Variants in ANK2 observed in about 807,000 individuals in gnomAD.
The protein encoded by ANK2 is ankyrin-2.
ANK2 carries 83 observed loss-of-function variants against 360.5 expected under a neutral mutation model. That is an observed-to-expected ratio of 0.23 (90% CI 0.19 to 0.28). The LOEUF is 0.28. Among genes scored for constraint, ANK2 ranks in the 10% least tolerant of loss-of-function variants. ANK2 has a pLI of 1.00. For synonymous variants in ANK2, 1,740 were observed against 1,759.5 expected (o/e 0.99, Z 0.28); for missense variants, 4,201 against 4,795.7 (o/e 0.88, Z 3.66).
At position 112,918,705 on chromosome 4, in the gene ANK2, A is replaced by G. The variant is rs190289421; in HGVS notation, c.21+14191A>G. Among the ~76,000 whole-genome samples the G allele has an allele frequency of 1.7e-3, 266 of 152,366 alleles. 1 individual carries two copies. The highest frequency in any genetic ancestry group is 5.2e-3 in the Admixed American group (79 of 15,300). ...TGTTTTGAATGTTATTTGGCATATC[A>G]ACAGAATGAATAGTTTTGGATTGCA... On this transcript the variant is annotated intron_variant, in intron 2 of 30. Coordinates refer to the ANK2 transcript ENST00000503271.
rs115664297 is a variant in ANK2 at position 113,344,757 on chromosome 4, C to T, written c.4249-1143C>T. Among the ~76,000 whole-genome samples the T allele has an allele frequency of 2.3e-3, 348 of 152,190 alleles. 1 individual carries two copies. Among genetic ancestry groups the T allele is most frequent in the African/African-American group, 8.0e-3 (331 of 41,528 alleles). On this transcript the variant is annotated intron_variant, in intron 34 of 45. Transcript: ENST00000357077. ...TATGGTAAATGAAATAAGCTAGACA[C>T]AAAAGGACAAATATTGTATGGTTTC...
At chr4:113,032,688 T>G (rs2060674295) in intron 2 of ANK2, among the ~76,000 whole-genome samples, 1 of 152,062 alleles carries the variant, frequency 6.6e-6, no homozygotes, top group Non-Finnish European at 1.5e-5. Context: ...AAAATCACTT[T>G]AGAGAGAAGG....
intron 14 of ANK2, among the ~76,000 whole-genome samples, chr4:113,269,997 A>G (rs556139378): frequency 6.6e-6 from 1 of 152,206 alleles, no homozygotes; most frequent in South Asian, 2.1e-4. Flanking sequence ...TCATTGATCT[A>G]TTATATTCTT....
intron 13 of ANK2, among the ~76,000 whole-genome samples, chr4:113,263,967 T>A (rs2054488781): frequency 6.6e-6 from 1 of 152,160 alleles, no homozygotes; most frequent in Non-Finnish European, 1.5e-5. Context: ...ATGCTACACC[T>A]AAAGCCACCC....
At chr4:113,072,953 CTT>C (rs77468290) in intron 1 of ANK2, among the ~76,000 whole-genome samples, 2 of 59,408 alleles carry the variant, frequency 3.4e-5, no homozygotes, top group African/African-American at 7.6e-5. Context: ...AGGACAGTGT[CTT>C]TTTTTTTTTT....
intron 1 of ANK2, among the ~76,000 whole-genome samples, chr4:112,854,745 A>G (rs17672170): frequency 0.67 from 101,168 of 151,982 alleles, 33,936 homozygotes; most frequent in East Asian, 0.77. Context: ...TAATGAGTTC[A>G]TAGTGGATAT....
chr4:112,786,205 A>G, the ANK2 span, among the ~76,000 whole-genome samples: 1 of 151,428 alleles, frequency 6.6e-6, no homozygotes, highest in African/African-American at 2.4e-5. Flanking sequence ...TACAAAATCC[A>G]TCCTTCTACT....
chr4:113,139,000 A>G (rs1268209109), intron 1 of ANK2, among the ~76,000 whole-genome samples: 1 of 152,222 alleles, frequency 6.6e-6, no homozygotes, highest in Non-Finnish European at 1.5e-5. Flanking sequence ...GAATTTGCTT[A>G]ATAGTAAGAC....
chr4:113,278,328 C>A, intron 16 of ANK2, 132 bp from the exon 17 acceptor site: 1 of 774,510 alleles, frequency 1.3e-6, no homozygotes, highest in Non-Finnish European at 2.2e-6. Context: ...TGTTTATTTT[C>A]GTTCTTTTTT....
At chr4:113,038,964 A>G (rs1230408354) in intron 2 of ANK2, among the ~76,000 whole-genome samples, 1 of 152,084 alleles carries the variant, frequency 6.6e-6, no homozygotes, top group Non-Finnish European at 1.5e-5. Flanking sequence ...GCCCTTCCTT[A>G]ATCCCCGACT....
intron 1 of ANK2, among the ~76,000 whole-genome samples, chr4:113,054,022 G>A (rs1197638198): frequency 6.6e-6 from 1 of 152,168 alleles, no homozygotes; most frequent in Non-Finnish European, 1.5e-5. Flanking sequence ...AGAGGCTGTA[G>A]GAGATTTTGG....
the ANK2 span, among the ~76,000 whole-genome samples, chr4:112,764,728 A>G: frequency 1.5e-5 from 2 of 134,212 alleles, no homozygotes; most frequent in African/African-American, 2.8e-5. Context: ...TTTTTTTGAG[A>G]CGGAGTTTCA....
At chr4:112,876,690 G>C (rs930131923) in intron 1 of ANK2, among the ~76,000 whole-genome samples, 3 of 152,148 alleles carry the variant, frequency 2.0e-5, no homozygotes, top group Non-Finnish European at 4.4e-5. Flanking sequence ...TTTGCCCAAG[G>C]CCTGTTACCT....
intron 2 of ANK2, among the ~76,000 whole-genome samples, chr4:112,984,763 T>TA (rs2044290547): frequency 6.6e-6 from 1 of 152,232 alleles, no homozygotes; most frequent in African/African-American, 2.4e-5. Flanking sequence ...GCTTTGCTGT[T>TA]AAAGTTCATT....
At chr4:113,200,088 T>C (rs2098808476) in intron 4 of ANK2, among the ~76,000 whole-genome samples, 1 of 152,232 alleles carries the variant, frequency 6.6e-6, no homozygotes, top group African/African-American at 2.4e-5. Context: ...GATAAGACAT[T>C]ATTTTTATCT....
chr4:112,723,324 G>A, the ANK2 span, among the ~76,000 whole-genome samples: 1 of 152,146 alleles, frequency 6.6e-6, no homozygotes, highest in Admixed American at 6.5e-5. Context: ...TAGGATTATG[G>A]GTGCAAGCCA....
intron 1 of ANK2, among the ~76,000 whole-genome samples, chr4:113,167,125 G>A (rs2097777317): frequency 6.6e-6 from 1 of 151,884 alleles, no homozygotes. Context: ...ATTGCCTCCA[G>A]TGTGAAAAAA....
intron 20 of ANK2, among the ~76,000 whole-genome samples, chr4:113,289,655 G>A (rs1035752065): frequency 1.3e-5 from 2 of 152,232 alleles, no homozygotes; most frequent in African/African-American, 4.8e-5. Flanking sequence ...TCTCTTAGAA[G>A]CAGAAACAAA....
chr4:113,017,416 A>AT lies in ANK2; in HGVS notation c.21+112908dup, dbSNP rs2056927488. Among the ~76,000 whole-genome samples the AT allele has an allele frequency of 2.0e-5, 3 of 152,018 alleles. No individual in the cohort carries two copies. In the South Asian group the frequency reaches 6.2e-4, roughly 32 times the overall value. ...AGACTGCTCCATGCATGTCTTTGAT[A>AT]TTTTTTGTTTGAAGAAGAAGCTCTG... On this transcript the variant is annotated intron_variant, in intron 2 of 30. Coordinates refer to the ANK2 transcript ENST00000503271.
Sources: gnomAD v4.1 joint callset for allele counts (sites outside exome capture counted in the v4.1 genomes callset) on GRCh38, gnomAD v4.1.1 for gene constraint, MANE v1.5 for transcripts, NCBI Gene and HGNC (gene_info 2026-07-23, HGNC 2026-07-21) for gene names.